ARHGAP17: variants seen among roughly 807,000 people sequenced by gnomAD.
ARHGAP17 encodes Rho GTPase activating protein 17, also known as rho GTPase-activating protein 17.
ARHGAP17 carries 57 observed loss-of-function variants against 99.5 expected under a neutral mutation model. The observed-to-expected ratio is 0.57, with a 90% CI of 0.46 to 0.71. ARHGAP17 has a LOEUF of 0.71. ARHGAP17 is among the 30% of genes least tolerant of loss of function. The pLI is 0.00. For missense variants in ARHGAP17, 1,000 were observed against 1,122.4 expected (o/e 0.89, Z 1.56); for synonymous variants, 417 against 429.6 (o/e 0.97, Z 0.36).
At chr16:24,988,161 T>C (rs1316706475) in intron 1 of ARHGAP17, among the ~76,000 whole-genome samples, 2 of 152,256 alleles carry the variant, frequency 1.3e-5, no homozygotes, top group Non-Finnish European at 2.9e-5. Flanking sequence ...TTTACTGTTT[T>C]ATCTCATTAG....
At chr16:24,929,717 C>T (rs921731086) in intron 19 of ARHGAP17, 1 of 937,368 alleles carries the variant, frequency 1.1e-6, no homozygotes, top group African/African-American at 1.8e-5. Flanking sequence ...AAAATAAAAG[C>T]TCTGATGGCA....
At position 24,920,233 on chromosome 16, in the gene ARHGAP17, T is replaced by C. The variant is rs1205096343; in HGVS notation, c.2543A>G (p.His848Arg). The C allele has an allele frequency of 1.9e-6, 3 of 1,614,058 alleles. No individual in the cohort carries two copies. Among genetic ancestry groups the C allele is most frequent in the Non-Finnish European group, 2.5e-6 (3 of 1,179,990 alleles). Reference protein sequence around the residue: ...TDSNSRVSEPHRSIFPEMHSD... With the variant: ...TDSNSRVSEPRRSIFPEMHSD... ...GTGCATTTCAGGAAAGATGCTGCGA[T>C]GCGGTTCTGAAACCCTGGAATTGGA... The change falls in exon 20 of 20, where the codon CAT becomes CGT. Residue 848 changes from histidine to arginine, a missense_variant. Physicochemically the swap from His to Arg is conservative, Grantham distance 29. Coordinates refer to ENST00000289968, the MANE Select transcript of ARHGAP17 (RefSeq NM_001006634.3).
chr16:24,994,107 C>T (rs891605154), intron 1 of ARHGAP17, among the ~76,000 whole-genome samples: 12 of 152,150 alleles, frequency 7.9e-5, no homozygotes, highest in Non-Finnish European at 1.5e-4. Context: ...TAGCGTGGTG[C>T]ACAAAATGAA....
intron 1 of ARHGAP17, among the ~76,000 whole-genome samples, chr16:24,979,705 T>G (rs1480963085): frequency 1.6e-5 from 2 of 123,780 alleles, no homozygotes; most frequent in Non-Finnish European, 3.5e-5. Flanking sequence ...AATTTTTATT[T>G]TATTATTATT....
chr16:25,009,556 G>C (rs555879689), intron 1 of ARHGAP17, among the ~76,000 whole-genome samples: 1 of 152,132 alleles, frequency 6.6e-6, no homozygotes, highest in Non-Finnish European at 1.5e-5. Context: ...CGGCAGCAGG[G>C]GACTGTTCTG....
intron 1 of ARHGAP17, among the ~76,000 whole-genome samples, chr16:25,006,215 T>A (rs1225531353): frequency 1.3e-5 from 2 of 150,716 alleles, no homozygotes; most frequent in Non-Finnish European, 3.0e-5. Flanking sequence ...AAAGATGAAG[T>A]CAACAGATAA....
chr16:25,013,632 A>C (rs1184537184), intron 1 of ARHGAP17, among the ~76,000 whole-genome samples: 1 of 152,166 alleles, frequency 6.6e-6, no homozygotes, highest in Non-Finnish European at 1.5e-5. Context: ...AAAAAAAAAA[A>C]AAAGTGTGAA....
chr16:24,971,048 G>A (rs1051967766), intron 3 of ARHGAP17, among the ~76,000 whole-genome samples: 2 of 152,006 alleles, frequency 1.3e-5, no homozygotes, highest in African/African-American at 4.8e-5. Flanking sequence ...GCTAATTTTT[G>A]TATTTTTGGT....
At chr16:24,964,551 T>C (rs2052114985) in intron 6 of ARHGAP17, among the ~76,000 whole-genome samples, 2 of 152,192 alleles carry the variant, frequency 1.3e-5, no homozygotes, top group South Asian at 4.1e-4. Context: ...GCTTTGAGCA[T>C]AACCAACCAC....
In ARHGAP17 at chr16:24,939,397, A is replaced by G; in HGVS notation, c.1691T>C (p.Ile564Thr). 2 of 1,609,944 alleles carry G rather than the reference A, an allele frequency of 1.2e-6. No homozygotes were observed. Among genetic ancestry groups the G allele is most frequent in the East Asian group, 2.2e-5 (1 of 44,868 alleles). The stretch of plus-strand genomic sequence containing the variant: ...GCCTGGGCTCGGCCCCTGCTCCAGT[A>G]TGCCCGCGGAAGAGGGGACAGTCCC... ...GGGTVPSSAG[I>T]LEQGPSPGDG... Residue 564 changes from isoleucine to threonine, a missense_variant, in exon 17 of 20, where the codon ATA (isoleucine) becomes ACA (threonine). Transcript: ENST00000289968.
At chr16:25,000,536 G>A (rs917091017) in intron 1 of ARHGAP17, among the ~76,000 whole-genome samples, 1 of 152,122 alleles carries the variant, frequency 6.6e-6, no homozygotes, top group African/African-American at 2.4e-5. Flanking sequence ...TAAGATTATA[G>A]GCAAATCTGT....
intron 3 of ARHGAP17, among the ~76,000 whole-genome samples, chr16:24,974,237 C>G (rs186180863): frequency 1.6e-4 from 24 of 152,316 alleles, no homozygotes; most frequent in African/African-American, 5.8e-4. Context: ...TGGAAACCAG[C>G]CTGGTCAACA....
chr16:24,975,918 G>A lies in ARHGAP17; in HGVS notation c.198+1297C>T, dbSNP rs557493723. Among the ~76,000 whole-genome samples, 233 of 152,200 alleles carry A rather than the reference G, an allele frequency of 1.5e-3. 1 individual carries two copies. Among genetic ancestry groups the A allele is most frequent in the Middle Eastern group, 3.4e-3 (1 of 294 alleles). On this transcript the variant is annotated intron_variant, in intron 3 of 19. Coordinates refer to ENST00000289968, the MANE Select transcript of ARHGAP17 (RefSeq NM_001006634.3). ...ACAAGTGGACCTTGGAAAAGACACC[G>A]GATGGCTCTCCTAGAGTCCATCCCT... is the stretch of plus-strand genomic sequence containing the variant.
chr16:24,920,142 G>A lies in ARHGAP17; in HGVS notation c.2634C>T (p.Ser878=), dbSNP rs1320724892. ...ILLDIDNDTE[S]TAL ...GAAAGGGCTTTCTTCACAGGGCAGT[G>A]CTCTCGGTATCATTGTCTATATCCA... Residue 878 remains serine, a synonymous_variant, in exon 20 of 20, where the codon AGC becomes AGT. Coordinates refer to ENST00000289968, the MANE Select transcript of ARHGAP17 (RefSeq NM_001006634.3). 11 of 1,614,032 alleles carry A rather than the reference G, an allele frequency of 6.8e-6. No homozygotes were observed. The highest frequency in any genetic ancestry group is 9.3e-6 in the Non-Finnish European group (11 of 1,179,958).
intron 1 of ARHGAP17, among the ~76,000 whole-genome samples, chr16:24,982,187 T>C (rs1377923616): frequency 2.6e-5 from 4 of 152,052 alleles, no homozygotes; most frequent in African/African-American, 9.7e-5. Context: ...GTGGATCACT[T>C]GAGGTCAGAA....
At chr16:24,968,557 AAAG>A (rs2052262165) in intron 5 of ARHGAP17, 101 bp downstream of exon 5, 1 of 1,509,314 alleles carries the variant, frequency 6.6e-7, no homozygotes, top group Non-Finnish European at 9.2e-7. Flanking sequence ...TTATTTCCAA[AAAG>A]AAGTGTATGT....
chr16:24,970,730 A>G, intron 3 of ARHGAP17, 150 bp from the exon 4 acceptor site: 1 of 691,424 alleles, frequency 1.4e-6, no homozygotes, highest in East Asian at 2.7e-5. Flanking sequence ...GGTCTCACAG[A>G]TATTAGTTGT....
chr16:24,983,299 G>A (rs113961762), intron 1 of ARHGAP17, among the ~76,000 whole-genome samples: 10,429 of 150,674 alleles, frequency 0.069, 1,192 homozygotes, highest in African/African-American at 0.24. Flanking sequence ...GCCACCGTAC[G>A]CGGCCAGATT....
intron 1 of ARHGAP17, among the ~76,000 whole-genome samples, chr16:24,981,298 A>G (rs897371862): frequency 1.7e-4 from 26 of 152,396 alleles, no homozygotes; most frequent in Non-Finnish European, 3.2e-4. Flanking sequence ...AAACGAGGCA[A>G]GTATTAACTT....
Sources: allele counts gnomAD v4.1 joint callset (sites outside exome capture counted in the v4.1 genomes callset), GRCh38; gene constraint gnomAD v4.1.1; transcripts MANE v1.5; gene names NCBI Gene and HGNC (gene_info 2026-07-23, HGNC 2026-07-21).